SMURF1: variants seen among roughly 807,000 people sequenced by gnomAD.
SMURF1 encodes the protein E3 ubiquitin-protein ligase SMURF1.
A neutral mutation model predicts 98.0 loss-of-function variants in SMURF1; 44 were observed. The ratio of observed to expected loss-of-function variants is 0.45; its 90% CI spans 0.35 to 0.58. The LOEUF is 0.58. Ranked by LOEUF, SMURF1 falls within the 20% of genes least tolerant of loss-of-function variation. SMURF1 has a pLI of 0.00. For missense variants in SMURF1, 687 were observed against 938.4 expected (o/e 0.73, Z 3.50); for synonymous variants, 396 against 374.9 (o/e 1.06, Z -0.65).
intron 15 of SMURF1, 77 bp downstream of exon 15, chr7:99,036,990 C>G (rs553802612): frequency 6.2e-7 from 1 of 1,605,966 alleles, no homozygotes; most frequent in Admixed American, 1.7e-5. Flanking sequence ...CACACTGCCC[C>G]CTGCAGCAAG....
intron 12 of SMURF1, among the ~76,000 whole-genome samples, chr7:99,041,712 G>C (rs770971657): frequency 6.6e-6 from 1 of 152,200 alleles, no homozygotes. Flanking sequence ...AAACCAGCAC[G>C]CTAAGGGTGG....
intron 1 of SMURF1, among the ~76,000 whole-genome samples, chr7:99,127,410 G>A (rs184237382): frequency 3.3e-5 from 5 of 152,158 alleles, no homozygotes; most frequent in South Asian, 2.1e-4. Context: ...AGAAAAGCTC[G>A]GCCGGGCCTG....
chr7:99,083,907 T>C (rs1437136574), intron 1 of SMURF1, among the ~76,000 whole-genome samples: 1 of 152,264 alleles, frequency 6.6e-6, no homozygotes, highest in Non-Finnish European at 1.5e-5. Flanking sequence ...GAATGTGGGC[T>C]CCACAGGAGT....
At chr7:99,105,641 C>A (rs1456797482) in intron 1 of SMURF1, among the ~76,000 whole-genome samples, 1 of 152,194 alleles carries the variant, frequency 6.6e-6, no homozygotes, top group African/African-American at 2.4e-5. Context: ...TGAACCCAGG[C>A]AATCTAGCTT....
chr7:99,125,057 TTTCA>T (rs56017007), intron 1 of SMURF1, among the ~76,000 whole-genome samples: 101,737 of 149,526 alleles, frequency 0.68, 35,745 homozygotes, highest in Non-Finnish European at 0.77. Flanking sequence ...CAATAAAAAT[TTTCA>T]TTCATTCATT....
chr7:99,051,133 A>G, intron 8 of SMURF1: 1 of 851,738 alleles, frequency 1.2e-6, no homozygotes, highest in Non-Finnish European at 1.9e-6. Context: ...TTCAACAATG[A>G]TCATGGTCAA....
At chr7:99,066,350 A>C (rs905457341) in intron 1 of SMURF1, among the ~76,000 whole-genome samples, 7 of 152,178 alleles carry the variant, frequency 4.6e-5, no homozygotes, top group African/African-American at 1.7e-4. Flanking sequence ...TTGCTTCTGA[A>C]TAGAATAATC....
At chr7:99,082,798 G>A (rs1288411777) in intron 1 of SMURF1, among the ~76,000 whole-genome samples, 2 of 152,200 alleles carry the variant, frequency 1.3e-5, no homozygotes, top group African/African-American at 4.8e-5. Flanking sequence ...GTACAGTGCT[G>A]CATCTGCAGA....
chr7:99,030,079 C>T lies in SMURF1; in HGVS notation c.*505G>A, dbSNP rs1794823083. The stretch of plus-strand genomic sequence containing the variant: ...TTGGAAATTGATCTGCTACCCAGAA[C>T]CGGCTGCTGGGATGTGAAATCTGGA... On this transcript the variant is annotated 3_prime_UTR_variant, in exon 18 of 18. Coordinates refer to ENST00000361368, the MANE Select transcript of SMURF1 (RefSeq NM_181349.3). The T allele has an allele frequency of 1.3e-5, 2 of 154,542 alleles. No individual in the cohort carries two copies. Among genetic ancestry groups the T allele is most frequent in the African/African-American group, 4.8e-5 (2 of 41,478 alleles). The allele number at this position is 154,542 out of a possible 1,614,324, so 9.6% of individuals were successfully genotyped here.
At chr7:99,100,624 A>G (rs1325674560) in intron 1 of SMURF1, among the ~76,000 whole-genome samples, 1 of 152,212 alleles carries the variant, frequency 6.6e-6, no homozygotes, top group Admixed American at 6.5e-5. Flanking sequence ...CATCACAGAA[A>G]TATATATCCA....
At chr7:99,122,339 A>AG (rs1491347932) in intron 1 of SMURF1, among the ~76,000 whole-genome samples, 1 of 143,832 alleles carries the variant, frequency 7.0e-6, no homozygotes, top group African/African-American at 2.7e-5. Context: ...AAAAAAAAAA[A>AG]GAAGAAGAAG....
intron 3 of SMURF1, 147 bp downstream of exon 3, chr7:99,060,452 A>C (rs898419482): frequency 1.5e-4 from 77 of 502,814 alleles, no homozygotes; most frequent in African/African-American, 1.3e-3. Flanking sequence ...TTCTAAAATT[A>C]GGCAATGTAG....
At chr7:99,122,728 G>T in intron 1 of SMURF1, among the ~76,000 whole-genome samples, 1 of 144,828 alleles carries the variant, frequency 6.9e-6, no homozygotes. Flanking sequence ...CATGCCACAG[G>T]GCTTTTTTCT....
chr7:99,111,631 T>C (rs1447115022), intron 1 of SMURF1, among the ~76,000 whole-genome samples: 3 of 152,120 alleles, frequency 2.0e-5, no homozygotes, highest in Non-Finnish European at 2.9e-5. Flanking sequence ...AAAAGCTTAC[T>C]ACAAGCAAGG....
chr7:99,133,973 CA>C (rs762297127), intron 1 of SMURF1, among the ~76,000 whole-genome samples: 9 of 152,038 alleles, frequency 5.9e-5, no homozygotes, highest in Non-Finnish European at 1.2e-4. Context: ...TTATCTTTGC[CA>C]GGGGGGTGCG....
chr7:99,116,961 T>C (rs763148357), intron 1 of SMURF1, among the ~76,000 whole-genome samples: 33 of 152,116 alleles, frequency 2.2e-4, no homozygotes, highest in Admixed American at 3.9e-4. Context: ...AAAGCAATAG[T>C]AATCAAAACA....
intron 1 of SMURF1, among the ~76,000 whole-genome samples, chr7:99,063,356 A>G (rs1442277581): frequency 7.0e-6 from 1 of 142,054 alleles, no homozygotes; most frequent in Non-Finnish European, 1.5e-5. Flanking sequence ...ACAGTGGCAC[A>G]ATCATAGCTC....
Position 99,047,701 on chromosome 7 carries a change from T to C in SMURF1, c.1135A>G (p.Arg379Gly). The C allele has an allele frequency of 6.2e-7, 1 of 1,614,240 alleles. No homozygotes were observed. Among genetic ancestry groups the C allele is most frequent in the Non-Finnish European group, 8.5e-7 (1 of 1,180,042 alleles). ...QAGHCRIEVS[R>G]EEIFEESYRQ... Reference sequence around the variant, plus strand: ...CTCTCTACCTCAAAGATTTCTTCTCTGGACACTTCGATGCGGCAATGACCA... The same window carrying C: ...CTCTCTACCTCAAAGATTTCTTCTCCGGACACTTCGATGCGGCAATGACCA... Residue 379 changes from arginine (R) to glycine (G), a missense_variant, in exon 10 of 18, where the codon AGA becomes GGA. By Grantham distance (125) the Arg-to-Gly change is moderately radical (BLOSUM62 -2). Transcript: ENST00000361368.
intron 9 of SMURF1, chr7:99,048,271 C>T (rs1299664527): frequency 5.0e-6 from 1 of 200,654 alleles, no homozygotes; most frequent in Non-Finnish European, 1.0e-5. Flanking sequence ...CACTTATAAT[C>T]CCAGCTACTC....
Sources: gnomAD v4.1 joint callset for allele counts (sites outside exome capture counted in the v4.1 genomes callset) on GRCh38, gnomAD v4.1.1 for gene constraint, MANE v1.5 for transcripts, NCBI Gene and HGNC (gene_info 2026-07-23, HGNC 2026-07-21) for gene names.